The following KIAA1755 variants were observed in gnomAD, a reference collection of about 807,000 sequenced individuals.
KIAA1755 encodes the protein KIAA1755.
A neutral mutation model predicts 91.7 loss-of-function variants in KIAA1755; 68 were observed. That is an observed-to-expected ratio of 0.74 (90% CI 0.61 to 0.91). KIAA1755 has a LOEUF of 0.91. Ranked by LOEUF, KIAA1755 falls within the 40% of genes least tolerant of loss-of-function variation. The pLI is 0.00. For missense variants in KIAA1755, 1,535 were observed against 1,494.4 expected (o/e 1.03, Z -0.45); for synonymous variants, 610 against 604.6 (o/e 1.01, Z -0.13).
chr20:38,257,494 T>G (rs1278459302), intron 1 of KIAA1755, among the ~76,000 whole-genome samples: 1 of 151,002 alleles, frequency 6.6e-6, no homozygotes, highest in South Asian at 2.1e-4. Flanking sequence ...GGCATGAGAA[T>G]TGCTTAAACC....
rs1015906577 is a variant in KIAA1755, at chr20:38,213,081, A to G, written c.3564T>C (p.Leu1188=). ...SSEGTDSQTS[L]EDSPQTSPLA... ...GGGGACTTGTCTGGGGTGAGTCCTCAAGGGATGTCTGTGAGTCTGTCCCCT... is the reference window on the plus strand; with the variant it reads ...GGGGACTTGTCTGGGGTGAGTCCTCGAGGGATGTCTGTGAGTCTGTCCCCT... The change falls in exon 14 of 14, where the codon CTT becomes CTC. Residue 1188 remains leucine (L), a synonymous_variant. Coordinates refer to ENST00000279024, the MANE Select transcript of KIAA1755 (RefSeq NM_001029864.2). 2 of 1,576,478 alleles carry G rather than the reference A, an allele frequency of 1.3e-6. No individual in the cohort carries two copies. Among genetic ancestry groups the G allele is most frequent in the African/African-American group, 2.7e-5 (2 of 74,208 alleles).
intron 4 of KIAA1755, among the ~76,000 whole-genome samples, chr20:38,238,301 G>T (rs116123113): frequency 0.033 from 5,071 of 152,240 alleles, 117 homozygotes; most frequent in Middle Eastern, 0.14. Flanking sequence ...GACAGATAAG[G>T]TCTCCTGGGA....
In KIAA1755 at chr20:38,214,799, G is replaced by C. The variant is rs531475698; in HGVS notation, c.2902-1056C>G. ...CTGCAGACTGCAAAGAAGCCAACAC[G>C]TTCCCAGCCGCTCGTGAAAAACATA... On this transcript the variant is annotated intron_variant, in intron 13 of 13. Transcript: ENST00000279024. 1.2e-4 allele frequency among the ~76,000 whole-genome samples: 19 copies of C among 152,318 alleles called. No homozygotes were observed. The South Asian group carries it at 3.9e-3, about 32-fold the overall frequency.
chr20:38,235,860 C>A (rs1201640699), intron 4 of KIAA1755, among the ~76,000 whole-genome samples: 1 of 152,248 alleles, frequency 6.6e-6, no homozygotes, highest in Non-Finnish European at 1.5e-5. Context: ...GCATGTTGAT[C>A]AGTTTCTTTC....
At chr20:38,258,999 T>A (rs568367986) in intron 1 of KIAA1755, among the ~76,000 whole-genome samples, 2 of 152,128 alleles carry the variant, frequency 1.3e-5, no homozygotes, top group Non-Finnish European at 2.9e-5. Flanking sequence ...GGAGTGACCA[T>A]GACCGCCGAG....
intron 9 of KIAA1755, 135 bp from the exon 10 acceptor site, chr20:38,222,732 C>T: frequency 2.2e-6 from 2 of 924,648 alleles, no homozygotes; most frequent in Admixed American, 4.0e-5. Flanking sequence ...TCATTTCTGT[C>T]TCTAAAACAT....
At chr20:38,246,999 C>G (rs933432550) in intron 1 of KIAA1755, among the ~76,000 whole-genome samples, 2 of 152,192 alleles carry the variant, frequency 1.3e-5, no homozygotes, top group Non-Finnish European at 2.9e-5. Flanking sequence ...CAGGCTTCAC[C>G]GCCTCTTCCA....
intron 4 of KIAA1755, among the ~76,000 whole-genome samples, chr20:38,237,434 G>C (rs2075977603): frequency 6.6e-6 from 1 of 152,058 alleles, no homozygotes; most frequent in Admixed American, 6.5e-5. Flanking sequence ...ATCTCACGGA[G>C]GTTGGGATTT....
chr20:38,250,434 A>G (rs1196206603), intron 1 of KIAA1755, among the ~76,000 whole-genome samples: 1 of 151,798 alleles, frequency 6.6e-6, no homozygotes, highest in Admixed American at 6.6e-5. Flanking sequence ...CTCATTAAGT[A>G]AGAGCCATCA....
intron 1 of KIAA1755, among the ~76,000 whole-genome samples, chr20:38,254,681 G>A (rs2076308522): frequency 6.6e-6 from 1 of 151,840 alleles, no homozygotes; most frequent in African/African-American, 2.4e-5. Flanking sequence ...AGTTACTTTA[G>A]GCACTGAGAC....
At chr20:38,219,145 A>C (rs1041566138) in intron 11 of KIAA1755, among the ~76,000 whole-genome samples, 5 of 152,182 alleles carry the variant, frequency 3.3e-5, no homozygotes, top group African/African-American at 1.2e-4. Flanking sequence ...TGTCTGATGC[A>C]GGAGTGTGCC....
At chr20:38,215,824 T>A (rs1322293239) in intron 13 of KIAA1755, among the ~76,000 whole-genome samples, 1 of 152,158 alleles carries the variant, frequency 6.6e-6, no homozygotes, top group Non-Finnish European at 1.5e-5. Flanking sequence ...CTCTTAATGA[T>A]AATAATAATA....
intron 1 of KIAA1755, among the ~76,000 whole-genome samples, chr20:38,252,695 G>A (rs762131698): frequency 5.3e-5 from 8 of 152,216 alleles, no homozygotes; most frequent in Admixed American, 1.3e-4. Context: ...AAGGCTCAGA[G>A]ACCGGGACAC....
At chr20:38,221,075 C>T (rs2075650400) in intron 10 of KIAA1755, among the ~76,000 whole-genome samples, 1 of 152,212 alleles carries the variant, frequency 6.6e-6, no homozygotes, top group Non-Finnish European at 1.5e-5. Context: ...TTTGCTCTAC[C>T]TCAGCCTCCC....
At position 38,218,319 on chromosome 20, in the gene KIAA1755, C is replaced by T. The variant is rs749180811; in HGVS notation, c.2604G>A (p.Leu868=). 4 of 1,614,128 alleles carry T rather than the reference C, an allele frequency of 2.5e-6. No individual in the cohort carries two copies. The highest frequency in any genetic ancestry group is 3.4e-6 in the Non-Finnish European group (4 of 1,180,052). The part of the protein sequence containing the change: ...EQEGRRCLQS[L]TPKDGSLETV... Reference sequence around the variant, plus strand: ...TCTCCAAACTTCCATCCTTGGGGGTCAGTGATTGCAGGCACCGCCTTCCTT... The same window carrying T: ...TCTCCAAACTTCCATCCTTGGGGGTTAGTGATTGCAGGCACCGCCTTCCTT... Residue 868 remains leucine, a synonymous_variant, in exon 12 of 14, where the codon CTG becomes CTA. Coordinates refer to ENST00000279024, the MANE Select transcript of KIAA1755 (RefSeq NM_001029864.2).
intron 4 of KIAA1755, among the ~76,000 whole-genome samples, chr20:38,239,152 C>T (rs1487000341): frequency 5.9e-5 from 9 of 152,240 alleles, no homozygotes; most frequent in Admixed American, 5.9e-4. Flanking sequence ...CAGCCCACAG[C>T]CTTGCTTGGC....
At chr20:38,246,156 T>C in intron 1 of KIAA1755, 30 bp from the exon 2 acceptor site, 8 of 1,576,366 alleles carry the variant, frequency 5.1e-6, no homozygotes, top group Non-Finnish European at 5.2e-6. Flanking sequence ...GGGGTGATAA[T>C]AGCAATGATA....
At chr20:38,227,934 A>T (rs1568744671) in intron 6 of KIAA1755, among the ~76,000 whole-genome samples, 1 of 152,256 alleles carries the variant, frequency 6.6e-6, no homozygotes, top group African/African-American at 2.4e-5. Context: ...GGATCAGGCC[A>T]TACTTGAAGC....
intron 4 of KIAA1755, among the ~76,000 whole-genome samples, chr20:38,236,021 C>T (rs926748782): frequency 1.3e-5 from 2 of 152,162 alleles, no homozygotes; most frequent in Admixed American, 6.5e-5. Flanking sequence ...GAGACACCAG[C>T]GAGGAGACCA....
Sources: allele counts gnomAD v4.1 joint callset (sites outside exome capture counted in the v4.1 genomes callset), GRCh38; gene constraint gnomAD v4.1.1; transcripts MANE v1.5; gene names NCBI Gene and HGNC (gene_info 2026-07-23, HGNC 2026-07-21).